Variants in LRRC4C observed in about 807,000 individuals in gnomAD.
LRRC4C encodes leucine rich repeat containing 4C, also known as leucine-rich repeat-containing protein 4C.
Under a neutral mutation model 33.6 loss-of-function variants are expected in LRRC4C, and 5 were observed. The observed-to-expected ratio is 0.15, with a 90% CI of 0.08 to 0.31. LRRC4C has a LOEUF of 0.31. Ranked by LOEUF, LRRC4C falls within the 10% of genes least tolerant of loss-of-function variation. LRRC4C has a pLI of 1.00. For missense variants in LRRC4C, 560 were observed against 796.7 expected (o/e 0.70, Z 3.58); for synonymous variants, 329 against 302.0 (o/e 1.09, Z -0.93).
intron 3 of LRRC4C, among the ~76,000 whole-genome samples, chr11:40,493,078 T>A (rs1010581629): frequency 6.6e-6 from 1 of 151,122 alleles, no homozygotes; most frequent in Admixed American, 6.6e-5. Flanking sequence ...TAATATATAT[T>A]AAATATAAAT....
intron 5 of LRRC4C, among the ~76,000 whole-genome samples, chr11:40,198,055 G>A (rs776361361): frequency 2.6e-5 from 4 of 152,144 alleles, no homozygotes; most frequent in South Asian, 2.1e-4. Context: ...AAAAGTTCAC[G>A]TGCCAGCAGA....
chr11:40,121,203 A>G (rs898412741), intron 6 of LRRC4C, among the ~76,000 whole-genome samples: 4 of 152,160 alleles, frequency 2.6e-5, no homozygotes. Flanking sequence ...TATTACTTAA[A>G]AGGTATATGC....
At chr11:40,300,092 GAGC>G in intron 4 of LRRC4C, among the ~76,000 whole-genome samples, 1 of 152,232 alleles carries the variant, frequency 6.6e-6, no homozygotes, top group African/African-American at 2.4e-5. Flanking sequence ...AGCATGGTGG[GAGC>G]AGGAGTAAGA....
At chr11:41,194,322 A>T (rs191511837) in intron 1 of LRRC4C, among the ~76,000 whole-genome samples, 1 of 152,044 alleles carries the variant, frequency 6.6e-6, no homozygotes, top group Non-Finnish European at 1.5e-5. Context: ...TCTAACCCCT[A>T]TATTGTTCAA....
chr11:41,332,062 G>A (rs1278849208), intron 1 of LRRC4C, among the ~76,000 whole-genome samples: 1 of 152,082 alleles, frequency 6.6e-6, no homozygotes, highest in Non-Finnish European at 1.5e-5. Flanking sequence ...CATTCAATGA[G>A]AGACATTCTC....
chr11:40,987,320 C>A (rs956046661), intron 1 of LRRC4C, among the ~76,000 whole-genome samples: 6 of 152,104 alleles, frequency 3.9e-5, no homozygotes, highest in Non-Finnish European at 7.4e-5. Context: ...ACCTGTGAAG[C>A]AGCTGTATTC....
intron 1 of LRRC4C, among the ~76,000 whole-genome samples, chr11:41,329,090 C>T (rs1431432679): frequency 6.6e-6 from 1 of 152,174 alleles, no homozygotes; most frequent in Non-Finnish European, 1.5e-5. Context: ...TCTTAAATGT[C>T]ATTGGCCTAT....
intron 3 of LRRC4C, among the ~76,000 whole-genome samples, chr11:40,498,125 C>T (rs1192614122): frequency 2.0e-5 from 3 of 152,086 alleles, no homozygotes; most frequent in Non-Finnish European, 4.4e-5. Flanking sequence ...CCACCCGCTA[C>T]CAGGTACAAA....
chr11:40,715,185 C>T (rs1946645740), intron 2 of LRRC4C, among the ~76,000 whole-genome samples: 1 of 151,980 alleles, frequency 6.6e-6, no homozygotes, highest in African/African-American at 2.4e-5. Context: ...GACTATTTTC[C>T]AAAATAAAGA....
At chr11:40,578,167 T>TTTTTTTTTTTTTTTTTA (rs1958300747) in intron 3 of LRRC4C, among the ~76,000 whole-genome samples, 1 of 131,202 alleles carries the variant, frequency 7.6e-6, no homozygotes, top group Non-Finnish European at 1.6e-5. Flanking sequence ...TTTTTTTTTT[T>TTTTTTTTTTTTTTTTTA]TTTGCCTCTT....
intron 1 of LRRC4C, among the ~76,000 whole-genome samples, chr11:41,454,249 T>A (rs1956112989): frequency 6.6e-6 from 1 of 152,146 alleles, no homozygotes; most frequent in Non-Finnish European, 1.5e-5. Context: ...ACATCTTTTC[T>A]GATATGTTCT....
chr11:41,140,557 T>A (rs986821336), intron 1 of LRRC4C, among the ~76,000 whole-genome samples: 3 of 152,174 alleles, frequency 2.0e-5, no homozygotes, highest in African/African-American at 7.2e-5. Flanking sequence ...TCTAACAAAA[T>A]AGAGAATAGG....
chr11:41,123,091 T>TC (rs1324460732), intron 1 of LRRC4C: 2 of 151,960 alleles, frequency 1.3e-5, no homozygotes, highest in Non-Finnish European at 2.9e-5. Flanking sequence ...CAATAAAAAC[T>TC]CCAACACAAC....
intron 1 of LRRC4C, among the ~76,000 whole-genome samples, chr11:40,956,916 A>C (rs2136806657): frequency 6.6e-6 from 1 of 151,902 alleles, no homozygotes; most frequent in South Asian, 2.1e-4. Context: ...AGAACTGGAT[A>C]CTTGCCAGAT....
At chr11:40,562,410 A>G (rs1957585011) in intron 3 of LRRC4C, among the ~76,000 whole-genome samples, 1 of 152,184 alleles carries the variant, frequency 6.6e-6, no homozygotes, top group Non-Finnish European at 1.5e-5. Context: ...GAGGAGGTAA[A>G]TAATTCTTTA....
intron 1 of LRRC4C, among the ~76,000 whole-genome samples, chr11:41,277,838 C>A (rs754426740): frequency 6.6e-6 from 1 of 151,932 alleles, no homozygotes; most frequent in African/African-American, 2.4e-5. Flanking sequence ...ATGTTCCCAG[C>A]AGTACATTAG....
At chr11:41,363,827 A>G (rs540708094) in intron 1 of LRRC4C, among the ~76,000 whole-genome samples, 15 of 152,288 alleles carry the variant, frequency 9.8e-5, no homozygotes, top group African/African-American at 3.6e-4. Context: ...GCTATCTATT[A>G]CAGAATGGAT....
intron 2 of LRRC4C, among the ~76,000 whole-genome samples, chr11:40,674,260 A>G (rs1163908012): frequency 6.6e-6 from 1 of 152,224 alleles, no homozygotes; most frequent in African/African-American, 2.4e-5. Context: ...CAGCTTTTAT[A>G]TCATGGAAAG....
rs1328994477 is a variant in LRRC4C, at chr11:40,114,252, TTTTG to T, written c.*114_*117del. On this transcript the variant is annotated 3_prime_UTR_variant, in exon 7 of 7. Coordinates refer to ENST00000528697, the MANE Select transcript of LRRC4C (RefSeq NM_001258419.2). The stretch of plus-strand genomic sequence containing the variant: ...TTTTAATAAATAAATTTCTTTTCTT[TTTTG>T]TTTTTTTGTAAAGACACTTTTTTGA... The T allele has an allele frequency of 3.5e-6, 4 of 1,139,288 alleles. No homozygotes were observed. Among genetic ancestry groups the T allele is most frequent in the South Asian group, 1.9e-5 (1 of 53,506 alleles). 70.6% of individuals were successfully genotyped at this position (1,139,288 alleles called of 1,614,324 possible). A position where few individuals can be genotyped will look rare whatever the true frequency, so the allele number is the denominator to read the frequency against.
Sources: gnomAD v4.1 joint callset for allele counts (sites outside exome capture counted in the v4.1 genomes callset) on GRCh38, gnomAD v4.1.1 for gene constraint, MANE v1.5 for transcripts, NCBI Gene and HGNC (gene_info 2026-07-23, HGNC 2026-07-21) for gene names.